ANKRD30B: variants seen among roughly 807,000 people sequenced by gnomAD.
ANKRD30B encodes ankyrin repeat domain-containing protein 30B.
In ANKRD30B, 144 loss-of-function variants were observed where a neutral mutation model predicts 202.2. The observed-to-expected ratio is 0.71, with a 90% CI of 0.62 to 0.82. ANKRD30B has a LOEUF of 0.82. Ranked by LOEUF, ANKRD30B falls within the 40% of genes least tolerant of loss-of-function variation. ANKRD30B has a pLI of 0.00. For missense variants in ANKRD30B, 1,487 were observed against 1,669.1 expected (o/e 0.89, Z 1.90); for synonymous variants, 508 against 561.3 (o/e 0.91, Z 1.34).
the ANKRD30B span, among the ~76,000 whole-genome samples, chr18:14,907,918 GTT>G: frequency 0.51 from 76,768 of 151,724 alleles, 19,641 homozygotes; most frequent in African/African-American, 0.53. Flanking sequence ...TTGTAGAAAA[GTT>G]TGAATTTTCC....
At chr18:14,762,076 G>A (rs944867622) in intron 6 of ANKRD30B, among the ~76,000 whole-genome samples, 1 of 151,584 alleles carries the variant, frequency 6.6e-6, no homozygotes, top group Non-Finnish European at 1.5e-5. Context: ...GTTATAAGGA[G>A]GAAAAAATAT....
At chr18:14,930,780 C>T in the ANKRD30B span, among the ~76,000 whole-genome samples, 32 of 152,262 alleles carry the variant, frequency 2.1e-4, no homozygotes, top group East Asian at 5.8e-4. Flanking sequence ...GATGCATCCT[C>T]GTGGCTCTGC....
At chr18:14,861,511 A>T in the ANKRD30B span, among the ~76,000 whole-genome samples, 1 of 151,002 alleles carries the variant, frequency 6.6e-6, no homozygotes, top group East Asian at 1.9e-4. Context: ...TAACAACAGT[A>T]AAAAGAAATA....
At position 14,751,627 on chromosome 18, in the gene ANKRD30B, A is replaced by G. The variant is rs552485472; in HGVS notation, c.222-939A>G. 3.9e-5 allele frequency among the ~76,000 whole-genome samples: 6 copies of G among 152,310 alleles called. No individual in the cohort carries two copies. In the East Asian group the frequency reaches 1.2e-3, roughly 29 times the overall value. On this transcript the variant is annotated intron_variant, in intron 1 of 43. Coordinates refer to ENST00000690538, the MANE Select transcript of ANKRD30B (RefSeq NM_001367607.2). ...ATTTACATGCATTCTATAAATCTAA[A>G]TATGAATTTCCATACATTCTGTAAA...
chr18:14,851,701 C>G lies in ANKRD30B; in HGVS notation c.3757C>G (p.Gln1253Glu). ...AELQMTLKLK[Q>E]KTVTKRASQY... ...ACTTCAAATGACCCTAAAACTGAAA[C>G]AGAAAACAGTAACAAAAAGGGCATC... The change falls in exon 42 of 44, where the codon CAG (glutamine) becomes GAG (glutamate). Residue 1253 changes from glutamine (Q) to glutamate (E), a missense_variant. Physicochemically the swap from Gln to Glu is conservative, Grantham distance 29. Around this residue, in one of 6 missense-constraint regions of ANKRD30B, gnomAD observed 177 missense variants for 216.4 expected, o/e 0.82. Coordinates refer to ENST00000690538, the MANE Select transcript of ANKRD30B (RefSeq NM_001367607.2). The G allele has an allele frequency of 6.2e-7, 1 of 1,610,676 alleles. No individual in the cohort carries two copies. The highest frequency in any genetic ancestry group is 8.5e-7 in the Non-Finnish European group (1 of 1,178,658).
chr18:14,822,400 T>A (rs1474131673), intron 30 of ANKRD30B, 83 bp from the exon 31 acceptor site: 2 of 898,536 alleles, frequency 2.2e-6, no homozygotes, highest in African/African-American at 3.3e-5. Flanking sequence ...TGAGGATTCA[T>A]CTTCATATTC....
chr18:14,839,165 C>A (rs1425431705), intron 36 of ANKRD30B, among the ~76,000 whole-genome samples: 5 of 152,102 alleles, frequency 3.3e-5, no homozygotes, highest in African/African-American at 9.7e-5. Flanking sequence ...GATTATGCTG[C>A]AGTAGTAGGA....
chr18:14,757,826 T>C lies in ANKRD30B; in HGVS notation c.629T>C (p.Met210Thr), dbSNP rs1300396947. Reference protein sequence around the residue: ...AFNESKCTALMLAICEGSSEI... With the variant: ...AFNESKCTALTLAICEGSSEI... ...CTTTGTTATTTTAGCACAGCCCTCA[T>C]GCTTGCCATATGTGAAGGCTCATCA... The change falls in exon 5 of 44, where the codon ATG becomes ACG. Residue 210 changes from methionine to threonine, a missense_variant. By Grantham distance (81) the Met-to-Thr change is moderately conservative. Around this residue, in one of 6 missense-constraint regions of ANKRD30B, gnomAD observed 889 missense variants for 841.4 expected, o/e 1.06. Transcript: ENST00000690538. 3.1e-6 allele frequency: 5 copies of C among 1,613,246 alleles called. No individual in the cohort carries two copies. Among genetic ancestry groups the C allele is most frequent in the Non-Finnish European group, 2.5e-6 (3 of 1,179,780 alleles).
At chr18:14,884,934 G>A in the ANKRD30B span, among the ~76,000 whole-genome samples, 19,174 of 152,110 alleles carry the variant, frequency 0.13, 1,455 homozygotes, top group East Asian at 0.27. Flanking sequence ...CTGTACAGAA[G>A]TGGAATAAAG....
Position 14,796,266 on chromosome 18 carries a change from T to A in ANKRD30B, c.1854+17T>A, listed in dbSNP as rs2143964652. On this transcript the variant is annotated intron_variant, in intron 17 of 43. Coordinates refer to ENST00000690538, the MANE Select transcript of ANKRD30B (RefSeq NM_001367607.2). ...CTTCTGAAGGTAATAACTTTTATAT[T>A]GCTATCTTGAATACTAACTACATAT... The A allele has an allele frequency of 6.2e-7, 1 of 1,608,612 alleles. No homozygotes were observed. Among genetic ancestry groups the A allele is most frequent in the East Asian group, 2.2e-5 (1 of 44,740 alleles).
At chr18:14,922,365 C>G in the ANKRD30B span, among the ~76,000 whole-genome samples, 2 of 152,258 alleles carry the variant, frequency 1.3e-5, no homozygotes, top group South Asian at 4.1e-4. Context: ...ACTTGAAAGT[C>G]TAGGTCACGG....
chr18:14,868,806 G>A, the ANKRD30B span, among the ~76,000 whole-genome samples: 1 of 152,292 alleles, frequency 6.6e-6, no homozygotes, highest in Non-Finnish European at 1.5e-5. Flanking sequence ...TTCTCCGGCA[G>A]GCTGATTGCT....
the ANKRD30B span, among the ~76,000 whole-genome samples, chr18:14,863,629 G>T: frequency 4.0e-5 from 6 of 151,850 alleles, no homozygotes; most frequent in Non-Finnish European, 7.4e-5. Context: ...ATATTTATCA[G>T]GCAGGAGAAG....
intron 9 of ANKRD30B, among the ~76,000 whole-genome samples, chr18:14,776,224 A>G (rs1271481910): frequency 6.6e-6 from 1 of 152,230 alleles, no homozygotes; most frequent in African/African-American, 2.4e-5. Context: ...CTTTCTGAGT[A>G]CCAACTGTGT....
At chr18:14,888,348 TA>T in the ANKRD30B span, among the ~76,000 whole-genome samples, 3 of 152,122 alleles carry the variant, frequency 2.0e-5, no homozygotes, top group East Asian at 5.8e-4. Flanking sequence ...AGCCATTTTA[TA>T]AGCAGATAGG....
At chr18:14,815,390 C>T (rs1970032586) in intron 30 of ANKRD30B, among the ~76,000 whole-genome samples, 1 of 151,584 alleles carries the variant, frequency 6.6e-6, no homozygotes, top group African/African-American at 2.4e-5. Flanking sequence ...TGTGATTCAG[C>T]CGACTAGGGA....
the ANKRD30B span, chr18:14,883,915 A>G: frequency 5.1e-4 from 83 of 161,670 alleles, no homozygotes; most frequent in Non-Finnish European, 9.4e-4. Context: ...TTCTCTGCTG[A>G]ATGGATCCCC....
chr18:14,912,016 A>G, the ANKRD30B span, among the ~76,000 whole-genome samples: 1 of 152,172 alleles, frequency 6.6e-6, no homozygotes, highest in African/African-American at 2.4e-5. Flanking sequence ...CTAAGAGTTT[A>G]TTGGTGGAGT....
intron 26 of ANKRD30B, among the ~76,000 whole-genome samples, chr18:14,809,469 A>G (rs887081049): frequency 6.6e-6 from 1 of 150,888 alleles, no homozygotes; most frequent in Non-Finnish European, 1.5e-5. Flanking sequence ...TTAACCCTAA[A>G]GAGGCCTAGA....
Sources: allele counts gnomAD v4.1 joint callset (sites outside exome capture counted in the v4.1 genomes callset), GRCh38; gene constraint gnomAD v4.1.1; regional missense constraint gnomAD v4.1.1; transcripts MANE v1.5; gene names NCBI Gene and HGNC (gene_info 2026-07-23, HGNC 2026-07-21).